The following DNAH11 variants were observed in gnomAD, a reference collection of about 807,000 sequenced individuals.
DNAH11 encodes axonemal beta dynein heavy chain 11.
Under a neutral mutation model 526.0 loss-of-function variants are expected in DNAH11, and 442 were observed. The observed-to-expected ratio is 0.84, with a 90% CI of 0.78 to 0.91. DNAH11 has a LOEUF of 0.91. Ranked by LOEUF, DNAH11 falls within the 40% of genes least tolerant of loss-of-function variation. DNAH11 has a pLI of 0.00. For synonymous variants in DNAH11, 2,461 were observed against 1,935.9 expected, an observed-to-expected ratio of 1.27 and a Z score of -7.12; for missense variants, 6,989 against 5,448.7, an observed-to-expected ratio of 1.28 and a Z score of -8.90.
At chr7:21,900,798 T>TACGCATG in intron 81 of DNAH11, 1 of 610,358 alleles carries the variant, frequency 1.6e-6, no homozygotes, top group Non-Finnish European at 2.6e-6. Context: ...GTTTAACCAC[T>TACGCATG]ACGCATGGAA....
intron 35 of DNAH11, among the ~76,000 whole-genome samples, chr7:21,691,167 ATTTTTT>A (rs939874805): frequency 4.9e-5 from 6 of 121,868 alleles, no homozygotes; most frequent in African/African-American, 1.8e-4. Flanking sequence ...ATCTTTCATA[ATTTTTT>A]TTTTCTTTTT....
intron 46 of DNAH11, among the ~76,000 whole-genome samples, chr7:21,736,426 C>T (rs1449750318): frequency 6.6e-6 from 1 of 152,046 alleles, no homozygotes; most frequent in East Asian, 1.9e-4. Context: ...TGTCGGAAGG[C>T]CAGTCAATCT....
intron 24 of DNAH11, 56 bp from the exon 25 acceptor site, chr7:21,619,900 T>A: frequency 6.7e-7 from 1 of 1,481,622 alleles, no homozygotes; most frequent in Non-Finnish European, 9.2e-7. Flanking sequence ...GATAATAGTC[T>A]ACATATTGAT....
chr7:21,548,761 A>G (rs1311771890), intron 2 of DNAH11, among the ~76,000 whole-genome samples: 1 of 152,178 alleles, frequency 6.6e-6, no homozygotes, highest in Non-Finnish European at 1.5e-5. Context: ...GAGTTCTCCT[A>G]TGGGCTTATT....
chr7:21,770,811 G>A (rs1386446376), intron 55 of DNAH11, among the ~76,000 whole-genome samples: 1 of 152,122 alleles, frequency 6.6e-6, no homozygotes, highest in African/African-American at 2.4e-5. Flanking sequence ...ATCTAGCCCA[G>A]GTCCTAGGAT....
At chr7:21,790,240 A>T (rs1306196147) in intron 61 of DNAH11, among the ~76,000 whole-genome samples, 1 of 152,040 alleles carries the variant, frequency 6.6e-6, no homozygotes, top group Admixed American at 6.6e-5. Flanking sequence ...ACATCAGGAG[A>T]TCGAGACCAT....
At chr7:21,766,498 G>A (rs1787191278) in intron 55 of DNAH11, among the ~76,000 whole-genome samples, 1 of 152,158 alleles carries the variant, frequency 6.6e-6, no homozygotes, top group East Asian at 1.9e-4. Context: ...TCTGTTTCTA[G>A]TTGAAAGATT....
chr7:21,569,135 T>G (rs761472237), intron 6 of DNAH11, among the ~76,000 whole-genome samples: 16 of 152,190 alleles, frequency 1.1e-4, no homozygotes, highest in Non-Finnish European at 2.1e-4. Context: ...CTGTTTTCAT[T>G]AATGGGAAAT....
In DNAH11 at chr7:21,893,787, G is replaced by T. The variant is rs185020807; in HGVS notation, c.12751-836G>T. ...TTTGTTAAAAATGTTGATGTAAATT[G>T]GTCTAGGAATTTTAGGATGCCGTGG... On this transcript the variant is annotated intron_variant, in intron 77 of 81. Coordinates refer to ENST00000409508, the MANE Select transcript of DNAH11 (RefSeq NM_001277115.2). Among the ~76,000 whole-genome samples, 209 of 152,282 alleles carry T rather than the reference G, an allele frequency of 1.4e-3. 1 individual carries two copies. Among genetic ancestry groups the T allele is most frequent in the Admixed American group, 2.7e-3 (42 of 15,294 alleles).
chr7:21,822,753 C>T (rs1456549330), intron 65 of DNAH11, among the ~76,000 whole-genome samples: 3 of 152,056 alleles, frequency 2.0e-5, no homozygotes, highest in Non-Finnish European at 4.4e-5. Context: ...CAGGTGTTCC[C>T]CTTTCTCACA....
At chr7:21,647,383 A>C (rs897167102) in intron 28 of DNAH11, among the ~76,000 whole-genome samples, 4 of 152,066 alleles carry the variant, frequency 2.6e-5, no homozygotes, top group African/African-American at 9.6e-5. Context: ...TCACATTGGA[A>C]ACAAAGCAAG....
chr7:21,841,051 G>A (rs1782185593), intron 65 of DNAH11, among the ~76,000 whole-genome samples: 1 of 152,054 alleles, frequency 6.6e-6, no homozygotes, highest in South Asian at 2.1e-4. Flanking sequence ...GGGCGTGGTG[G>A]CATGCACCTG....
chr7:21,865,791 G>A (rs1168338875), intron 70 of DNAH11, among the ~76,000 whole-genome samples: 1 of 152,222 alleles, frequency 6.6e-6, no homozygotes, highest in Non-Finnish European at 1.5e-5. Flanking sequence ...ACTCCATAGG[G>A]AGAGTAGCCC....
chr7:21,553,987 A>T (rs73066450), intron 2 of DNAH11, among the ~76,000 whole-genome samples: 16,301 of 151,876 alleles, frequency 0.11, 1,121 homozygotes, highest in Non-Finnish European at 0.16. Flanking sequence ...GGTCCTCTGG[A>T]TCTAATCTGG....
intron 76 of DNAH11, 39 bp downstream of exon 76, chr7:21,884,449 T>C (rs1052006180): frequency 6.4e-6 from 10 of 1,569,658 alleles, no homozygotes; most frequent in Non-Finnish European, 7.8e-6. Flanking sequence ...TAAATTTCAC[T>C]GAGCAAAAAA....
At chr7:21,706,074 T>C (rs1784251390) in intron 39 of DNAH11, among the ~76,000 whole-genome samples, 1 of 152,112 alleles carries the variant, frequency 6.6e-6, no homozygotes, top group Non-Finnish European at 1.5e-5. Context: ...TATAACCCTC[T>C]ATATGGCCAA....
intron 25 of DNAH11, among the ~76,000 whole-genome samples, chr7:21,622,131 C>T (rs1259199090): frequency 6.6e-6 from 1 of 152,110 alleles, no homozygotes; most frequent in East Asian, 1.9e-4. Flanking sequence ...TCTCAGGATA[C>T]AAAATCAACG....
intron 45 of DNAH11, among the ~76,000 whole-genome samples, chr7:21,735,177 AC>A (rs1305050412): frequency 6.6e-6 from 1 of 152,196 alleles, no homozygotes; most frequent in African/African-American, 2.4e-5. Context: ...CTCAGAACAA[AC>A]AAACAAACCA....
intron 6 of DNAH11, among the ~76,000 whole-genome samples, chr7:21,569,818 A>G (rs976323074): frequency 2.0e-5 from 3 of 152,244 alleles, no homozygotes; most frequent in African/African-American, 7.2e-5. Flanking sequence ...AGGCTTAGCA[A>G]CAATTTAGTC....
Sources: gnomAD v4.1 joint callset for allele counts (sites outside exome capture counted in the v4.1 genomes callset) on GRCh38, gnomAD v4.1.1 for gene constraint, MANE v1.5 for transcripts, NCBI Gene and HGNC (gene_info 2026-07-23, HGNC 2026-07-21) for gene names.